The following SMARCA4 variants were observed in gnomAD, a reference collection of about 807,000 sequenced individuals.
The protein encoded by SMARCA4 is SWI/SNF related BAF chromatin remodeling complex subunit ATPase 4.
A neutral mutation model predicts 193.9 loss-of-function variants in SMARCA4; 31 were observed. That is an observed-to-expected ratio of 0.16 (90% CI 0.12 to 0.22). SMARCA4 has a LOEUF of 0.22. Among genes scored for constraint, SMARCA4 ranks in the 10% least tolerant of loss-of-function variants. The pLI is 1.00. For synonymous variants in SMARCA4, 942 were observed against 933.1 expected (o/e 1.01, Z -0.17); for missense variants, 1,148 against 2,296.0 (o/e 0.50, Z 10.22).
At chr19:11,027,686 C>T (rs1568497863) in intron 23 of SMARCA4, 98 bp from the exon 24 acceptor site, 2 of 1,360,224 alleles carry the variant, frequency 1.5e-6, no homozygotes, top group Non-Finnish European at 2.1e-6. Flanking sequence ...AACCCGGCGC[C>T]TGGCCTGGAG....
intron 32 of SMARCA4, among the ~76,000 whole-genome samples, 163 bp from the exon 33 acceptor site, chr19:11,059,590 T>C (rs1270602662): frequency 2.0e-5 from 3 of 152,210 alleles, no homozygotes; most frequent in Non-Finnish European, 4.4e-5. Context: ...GGAGAGGGCC[T>C]TCCACCCTGG....
intron 18 of SMARCA4, 165 bp from the exon 19 acceptor site, chr19:11,021,560 C>G (rs531478142): frequency 1.9e-5 from 16 of 841,820 alleles, no homozygotes; most frequent in South Asian, 1.6e-4. Context: ...GTGGCTCCAA[C>G]TCGGTGAGTC....
At chr19:10,989,181 G>T (rs773082808) in intron 6 of SMARCA4, 136 bp from the exon 7 acceptor site, 35 of 1,111,094 alleles carry the variant, frequency 3.2e-5, no homozygotes, top group Non-Finnish European at 4.5e-5. Flanking sequence ...CCTGCGGCCA[G>T]CATCCTCTTC....
At position 11,056,867 on chromosome 19, in the gene SMARCA4, C is replaced by A. The variant is rs145763893; in HGVS notation, c.4425-1388C>A. On this transcript the variant is annotated intron_variant, in intron 30 of 34. Transcript: ENST00000344626. ...TGACATCAGGACCCCAGCAACAGAA[C>A]CAGGGAAGCCACCATGTTGTCGCTG... 1.8e-3 allele frequency among the ~76,000 whole-genome samples: 270 copies of A among 152,332 alleles called. 5 individuals carry two copies. The highest frequency in any genetic ancestry group is 0.013 in the East Asian group (68 of 5,174).
At chr19:10,973,715 G>A (rs1484781018) in intron 1 of SMARCA4, among the ~76,000 whole-genome samples, 10 of 151,364 alleles carry the variant, frequency 6.6e-5, no homozygotes, top group African/African-American at 1.9e-4. Context: ...GACTACAGGC[G>A]CCTGCCACCA....
intron 13 of SMARCA4, among the ~76,000 whole-genome samples, chr19:11,006,821 C>T (rs2088255869): frequency 6.6e-6 from 1 of 152,012 alleles, no homozygotes; most frequent in Admixed American, 6.6e-5. Flanking sequence ...TGCAGTGGCT[C>T]ATACCTGTAA....
At position 10,975,017 on chromosome 19, in the gene SMARCA4, C is replaced by CTTT. The variant is rs760199710; in HGVS notation, c.-31-9084_-31-9082dup. ...CCAGCCATATGCATATATAGTTATT[C>CTTT]TTTTTTTTTTTTTTTTTTTTTTGAG... On this transcript the variant is annotated intron_variant, in intron 1 of 34. Transcript: ENST00000344626. Among the ~76,000 whole-genome samples, 105 of 101,014 alleles carry CTTT rather than the reference C, an allele frequency of 1.0e-3. 1 individual carries two copies. Among genetic ancestry groups the CTTT allele is most frequent in the Non-Finnish European group, 1.2e-3 (57 of 49,506 alleles). 66.3% of individuals were successfully genotyped at this position (101,014 alleles called of 152,430 possible).
chr19:10,989,951 G>A (rs950419432), intron 7 of SMARCA4, among the ~76,000 whole-genome samples: 2 of 151,992 alleles, frequency 1.3e-5, no homozygotes, highest in African/African-American at 4.8e-5. Flanking sequence ...GCCTGCCTTG[G>A]CCTCCCAAAG....
intron 30 of SMARCA4, among the ~76,000 whole-genome samples, chr19:11,048,602 A>G (rs1025041263): frequency 6.6e-6 from 1 of 152,230 alleles, no homozygotes; most frequent in African/African-American, 2.4e-5. Context: ...CCATGACTGC[A>G]GGTGGGAGCC....
chr19:11,013,002 C>A lies in SMARCA4; in HGVS notation c.2328C>A (p.Ile776=). Residue 776 remains isoleucine (I), a synonymous_variant, in exon 16 of 35, where the codon ATC becomes ATA. Coordinates refer to ENST00000344626, the MANE Select transcript of SMARCA4 (RefSeq NM_003072.5). ...VSLYNNNLNG[I]LADEMGLGKT... Reference sequence around the variant, plus strand: ...TGTACAACAACAACCTGAACGGCATCCTGGCCGACGAGATGGGCCTGGGGA... The same window carrying A: ...TGTACAACAACAACCTGAACGGCATACTGGCCGACGAGATGGGCCTGGGGA... The A allele has an allele frequency of 6.2e-7, 1 of 1,614,166 alleles. No homozygotes were observed. The highest frequency in any genetic ancestry group is 8.5e-7 in the Non-Finnish European group (1 of 1,180,024).
At chr19:11,013,254 C>T in intron 16 of SMARCA4, 142 bp downstream of exon 16, 1 of 902,096 alleles carries the variant, frequency 1.1e-6, no homozygotes, top group Non-Finnish European at 1.8e-6. Flanking sequence ...AGTCCAGGGT[C>T]AAGGTGTAGC....
chr19:11,035,288 TG>T (rs2075203417), intron 29 of SMARCA4, among the ~76,000 whole-genome samples, 156 bp downstream of exon 29: 1 of 152,212 alleles, frequency 6.6e-6, no homozygotes, highest in Non-Finnish European at 1.5e-5. Context: ...CCTTCCGATG[TG>T]GGCCAGGGAT....
rs2089631589 is a variant in SMARCA4 at position 11,019,080 on chromosome 19, G to A, written c.2505+57G>A. 2 of 1,331,316 alleles carry A rather than the reference G, an allele frequency of 1.5e-6. No individual in the cohort carries two copies. The highest frequency in any genetic ancestry group is 2.2e-6 in the Non-Finnish European group (2 of 921,966). 82.5% of individuals were successfully genotyped at this position (1,331,316 alleles called of 1,614,324 possible). On this transcript the variant is annotated intron_variant, in intron 17 of 34. Coordinates refer to ENST00000344626, the MANE Select transcript of SMARCA4 (RefSeq NM_003072.5). This position sits in a 1 kb window ranked among gnomAD's most constrained non-coding sequence, Gnocchi z 6.1. ...GCTACGGAGGTGCAGGCGGTGGTGGGCAGGACGTCCACACATACCTCTGGA... is the reference window on the plus strand; with the variant it reads ...GCTACGGAGGTGCAGGCGGTGGTGGACAGGACGTCCACACATACCTCTGGA...
At chr19:10,989,041 G>T (rs1427234853) in intron 6 of SMARCA4, among the ~76,000 whole-genome samples, 2 of 152,170 alleles carry the variant, frequency 1.3e-5, no homozygotes, top group African/African-American at 4.8e-5. Flanking sequence ...ACCTTGGCCC[G>T]CCTGACGCCA....
At chr19:11,059,665 C>CAGGGCT (rs1293355839) in intron 32 of SMARCA4, 88 bp from the exon 33 acceptor site, 10 of 1,459,454 alleles carry the variant, frequency 6.9e-6, no homozygotes, top group Non-Finnish European at 8.4e-6. Flanking sequence ...AGGGGCAACA[C>CAGGGCT]AGGGCTGGGG....
chr19:11,032,296 C>T, intron 25 of SMARCA4: 1 of 152,442 alleles, frequency 6.6e-6, no homozygotes, highest in Admixed American at 6.5e-5. Context: ...TGGTACTCAC[C>T]CTGGTCCTGC....
At chr19:11,043,057 A>G (rs1293142827) in intron 30 of SMARCA4, among the ~76,000 whole-genome samples, 1 of 150,794 alleles carries the variant, frequency 6.6e-6, no homozygotes, top group Non-Finnish European at 1.5e-5. Context: ...TTAGGAGGCC[A>G]AGGCGGGCGG....
In SMARCA4 at chr19:11,019,818, C is replaced by A; in HGVS notation, c.2616+117C>A. On this transcript the variant is annotated intron_variant, in intron 18 of 34. Transcript: ENST00000344626. This position sits in a 1 kb window ranked among gnomAD's most constrained non-coding sequence, Gnocchi z 6.1. ...CTTCCCGGAGTCCCACCTGCATGTGCGTGAAGACAGCTGCCCTGTGTAGGG... is the reference window on the plus strand; with the variant it reads ...CTTCCCGGAGTCCCACCTGCATGTGAGTGAAGACAGCTGCCCTGTGTAGGG... 1.3e-6 allele frequency: 1 copy of A among 758,552 alleles called. No homozygotes were observed. The highest frequency in any genetic ancestry group is 2.3e-6 in the Non-Finnish European group (1 of 433,064). The allele number at this position is 758,552 out of a possible 1,614,324, so 47.0% of individuals were successfully genotyped here.
At chr19:10,971,143 C>T (rs747922400) in intron 1 of SMARCA4, among the ~76,000 whole-genome samples, 3 of 152,110 alleles carry the variant, frequency 2.0e-5, no homozygotes, top group Non-Finnish European at 4.4e-5. Flanking sequence ...TTGCAGTGAG[C>T]TGAGATCGCA....
Sources: allele counts gnomAD v4.1 joint callset (sites outside exome capture counted in the v4.1 genomes callset), GRCh38; gene constraint gnomAD v4.1.1; non-coding constraint Gnocchi (gnomAD v3.1); transcripts MANE v1.5; gene names NCBI Gene and HGNC (gene_info 2026-07-23, HGNC 2026-07-21).